TENM3: variants seen among roughly 807,000 people sequenced by gnomAD.
TENM3 encodes the protein teneurin-3.
In TENM3, 63 loss-of-function variants were observed where a neutral mutation model predicts 255.1. That is an observed-to-expected ratio of 0.25 (90% CI 0.20 to 0.30). The LOEUF (loss-of-function observed/expected upper bound fraction) is 0.30. Ranked by LOEUF, TENM3 falls within the 10% of genes least tolerant of loss-of-function variation. The pLI, the probability that TENM3 is intolerant of heterozygous loss-of-function variation, is 1.00. For synonymous variants in TENM3, 1,306 were observed against 1,322.3 expected, an observed-to-expected ratio of 0.99 and a Z score of 0.27; for missense variants, 2,929 against 3,461.1, an observed-to-expected ratio of 0.85 and a Z score of 3.86.
chr4:181,553,312 G>A, the TENM3 span, among the ~76,000 whole-genome samples: 98 of 115,832 alleles, frequency 8.5e-4, 1 homozygote, highest in African/African-American at 3.2e-3. Context: ...GTGTGTGTAT[G>A]TGTATGCGTA....
the TENM3 span, among the ~76,000 whole-genome samples, chr4:181,963,675 G>C: frequency 1.6e-4 from 24 of 152,326 alleles, no homozygotes; most frequent in African/African-American, 5.3e-4. Context: ...TCAATGAACT[G>C]TGTATATTAA....
At chr4:182,403,031 A>G (rs1233732968) in intron 3 of TENM3, among the ~76,000 whole-genome samples, 4 of 152,232 alleles carry the variant, frequency 2.6e-5, no homozygotes, top group Non-Finnish European at 5.9e-5. Context: ...AATTATTTTT[A>G]GGTTTTTAGA....
the TENM3 span, among the ~76,000 whole-genome samples, chr4:182,114,163 A>G: frequency 6.6e-6 from 1 of 152,242 alleles, no homozygotes; most frequent in Non-Finnish European, 1.5e-5. Flanking sequence ...TTTCAAAGCC[A>G]TATAATCAGT....
the TENM3 span, among the ~76,000 whole-genome samples, chr4:181,875,003 ACACATCCAGGGC>A: frequency 6.6e-6 from 1 of 152,158 alleles, no homozygotes; most frequent in Admixed American, 6.5e-5. Context: ...GGATGAGAGA[ACACATCCAGGGC>A]CAGTTATTCC....
At chr4:181,939,267 T>C in the TENM3 span, among the ~76,000 whole-genome samples, 1 of 152,174 alleles carries the variant, frequency 6.6e-6, no homozygotes, top group African/African-American at 2.4e-5. Flanking sequence ...AAGGAAGGTA[T>C]GTGTCTCTGT....
the TENM3 span, among the ~76,000 whole-genome samples, chr4:181,510,612 A>C: frequency 6.6e-5 from 10 of 152,250 alleles, no homozygotes; most frequent in African/African-American, 2.4e-4. Flanking sequence ...TGTGTCAGAC[A>C]TCCTCATAAA....
At chr4:182,554,847 A>G (rs1288046993) in intron 3 of TENM3, among the ~76,000 whole-genome samples, 1 of 149,992 alleles carries the variant, frequency 6.7e-6, no homozygotes, top group Non-Finnish European at 1.5e-5. Context: ...TTAATTTTCT[A>G]TTTCTACTTC....
intron 22 of TENM3, among the ~76,000 whole-genome samples, chr4:182,758,890 C>A (rs1189472520): frequency 1.3e-5 from 2 of 152,178 alleles, no homozygotes; most frequent in Admixed American, 1.3e-4. Flanking sequence ...TGCACAAATA[C>A]CTCGCACAGA....
At chr4:182,296,165 G>A (rs899191811) in intron 1 of TENM3, among the ~76,000 whole-genome samples, 45 of 152,140 alleles carry the variant, frequency 3.0e-4, no homozygotes, top group Admixed American at 2.0e-3. Flanking sequence ...GTTTCTCCAC[G>A]TTGGTCAGGC....
the TENM3 span, among the ~76,000 whole-genome samples, chr4:181,620,415 T>A: frequency 6.6e-6 from 1 of 152,198 alleles, no homozygotes; most frequent in Non-Finnish European, 1.5e-5. Flanking sequence ...GCACAAAAGG[T>A]TGGCTCTCTT....
the TENM3 span, among the ~76,000 whole-genome samples, chr4:181,657,807 A>T: frequency 6.6e-6 from 1 of 151,796 alleles, no homozygotes; most frequent in African/African-American, 2.4e-5. Context: ...TATATATAAA[A>T]AAAAAAACAA....
At chr4:181,882,139 C>T in the TENM3 span, among the ~76,000 whole-genome samples, 1 of 152,214 alleles carries the variant, frequency 6.6e-6, no homozygotes, top group Middle Eastern at 3.4e-3. Flanking sequence ...CTGCAGAGTT[C>T]GGCTGCAAGA....
At chr4:182,591,046 TG>T (rs973799058) in intron 3 of TENM3, among the ~76,000 whole-genome samples, 1 of 152,178 alleles carries the variant, frequency 6.6e-6, no homozygotes, top group Non-Finnish European at 1.5e-5. Context: ...GTTGGCTTTT[TG>T]TTCATGGATA....
chr4:182,334,243 C>T (rs922797125), intron 2 of TENM3, among the ~76,000 whole-genome samples: 2 of 152,000 alleles, frequency 1.3e-5, no homozygotes, highest in Admixed American at 6.6e-5. Context: ...GCTATGTGAC[C>T]TAATGTGAGG....
chr4:182,232,106 C>A (rs916008444), intron 1 of TENM3, among the ~76,000 whole-genome samples: 11 of 152,122 alleles, frequency 7.2e-5, no homozygotes, highest in African/African-American at 2.4e-4. Flanking sequence ...GTTTTGAGGT[C>A]TTTGGAAAAA....
chr4:181,604,279 A>C, the TENM3 span, among the ~76,000 whole-genome samples: 2 of 152,204 alleles, frequency 1.3e-5, no homozygotes, highest in Non-Finnish European at 2.9e-5. Context: ...AAAGAAAAGA[A>C]AAGAAAGAAA....
chr4:182,300,380 G>C (rs1005920073), intron 1 of TENM3, among the ~76,000 whole-genome samples: 2 of 152,210 alleles, frequency 1.3e-5, no homozygotes, highest in African/African-American at 4.8e-5. Flanking sequence ...AAAGGGGACA[G>C]AAATTACCTT....
chr4:182,608,085 A>G (rs917681165), intron 4 of TENM3, among the ~76,000 whole-genome samples: 1 of 152,138 alleles, frequency 6.6e-6, no homozygotes, highest in African/African-American at 2.4e-5. Flanking sequence ...ACCATTCACT[A>G]GTATTGTCTG....
chr4:181,651,322 C>A, the TENM3 span, among the ~76,000 whole-genome samples: 1 of 152,028 alleles, frequency 6.6e-6, no homozygotes. Flanking sequence ...ACCTGATGGC[C>A]GGCACGGTGG....
Sources: gnomAD v4.1 joint callset for allele counts (sites outside exome capture counted in the v4.1 genomes callset) on GRCh38, gnomAD v4.1.1 for gene constraint, MANE v1.5 for transcripts, NCBI Gene and HGNC (gene_info 2026-07-23, HGNC 2026-07-21) for gene names.